ROR2: variants seen among roughly 807,000 people sequenced by gnomAD.
ROR2 encodes ROR family WNT receptor 2, also known as tyrosine-protein kinase transmembrane receptor ROR2.
A neutral mutation model predicts 74.9 loss-of-function variants in ROR2; 33 were observed. That is an observed-to-expected ratio of 0.44 (90% CI 0.33 to 0.59). The LOEUF is 0.59. ROR2 is among the 20% of genes least tolerant of loss of function. ROR2 has a pLI of 0.02. For synonymous variants in ROR2, 586 were observed against 558.7 expected, an observed-to-expected ratio of 1.05 and a Z score of -0.69; for missense variants, 1,216 against 1,313.8, an observed-to-expected ratio of 0.93 and a Z score of 1.15.
chr9:91,934,361 A>G (rs915815778), intron 1 of ROR2, among the ~76,000 whole-genome samples: 2 of 152,182 alleles, frequency 1.3e-5, no homozygotes, highest in Non-Finnish European at 2.9e-5. Flanking sequence ...TGCCTCCATA[A>G]AAGACAGAAA....
At chr9:91,923,595 T>C (rs1831326912) in intron 1 of ROR2, 1 of 152,220 alleles carries the variant, frequency 6.6e-6, no homozygotes, top group Non-Finnish European at 1.5e-5. Context: ...CTTTTTAAAA[T>C]TCACATCTAA....
chr9:91,919,381 A>G (rs961671275), intron 1 of ROR2, among the ~76,000 whole-genome samples: 1 of 152,170 alleles, frequency 6.6e-6, no homozygotes, highest in Admixed American at 6.5e-5. Flanking sequence ...TTCATTCAGG[A>G]TAAATTCACA....
intron 6 of ROR2, among the ~76,000 whole-genome samples, chr9:91,732,727 T>C (rs1012269077): frequency 2.6e-5 from 4 of 152,140 alleles, no homozygotes; most frequent in African/African-American, 9.7e-5. Context: ...GCGGCCCGAG[T>C]GCGTGCTGAC....
intron 1 of ROR2, among the ~76,000 whole-genome samples, chr9:91,778,620 G>A (rs1008380671): frequency 2.6e-5 from 4 of 152,156 alleles, no homozygotes; most frequent in African/African-American, 9.7e-5. Flanking sequence ...TGACTCTTCA[G>A]GACTTCAATA....
At chr9:91,758,491 G>A (rs1249665989) in intron 2 of ROR2, among the ~76,000 whole-genome samples, 1 of 152,230 alleles carries the variant, frequency 6.6e-6, no homozygotes, top group Non-Finnish European at 1.5e-5. Context: ...TCACAGTCCT[G>A]TAAATAGAAC....
chr9:91,745,098 G>C (rs1825364834), intron 4 of ROR2, among the ~76,000 whole-genome samples: 1 of 151,750 alleles, frequency 6.6e-6, no homozygotes, highest in South Asian at 2.1e-4. Flanking sequence ...GTCACCATAT[G>C]GTCTCATTTA....
chr9:91,871,817 G>A lies in ROR2; in HGVS notation c.97+78050C>T, dbSNP rs536471191. ...AGGCCAAGCCACCTGGAGAGGCCAC[G>A]TATGGGTTCTTGGGTCGAGAGACCC... On this transcript the variant is annotated intron_variant, in intron 1 of 8. Coordinates refer to ENST00000375708, the MANE Select transcript of ROR2 (RefSeq NM_004560.4). 5.3e-5 allele frequency among the ~76,000 whole-genome samples: 8 copies of A among 152,274 alleles called. No homozygotes were observed. In the South Asian group the frequency reaches 8.3e-4, roughly 16 times the overall value.
chr9:91,840,962 A>T (rs980009550), intron 1 of ROR2, among the ~76,000 whole-genome samples: 3 of 152,220 alleles, frequency 2.0e-5, no homozygotes, highest in Non-Finnish European at 4.4e-5. Flanking sequence ...TAATGGCATG[A>T]TTTGCAAGAC....
intron 1 of ROR2, among the ~76,000 whole-genome samples, chr9:91,848,757 G>T (rs948564977): frequency 4.7e-5 from 6 of 127,312 alleles, no homozygotes; most frequent in African/African-American, 1.9e-4. Context: ...TCCGTCTCAG[G>T]GGGGAAGAAA....
intron 1 of ROR2, among the ~76,000 whole-genome samples, chr9:91,829,569 A>AAAAAAAAAAAAAAAAC (rs1828397962): frequency 1.3e-5 from 2 of 151,000 alleles, no homozygotes; most frequent in Admixed American, 6.6e-5. Flanking sequence ...AAAAAAAAAA[A>AAAAAAAAAAAAAAAAC]AAAAGCACAC....
intron 1 of ROR2, among the ~76,000 whole-genome samples, chr9:91,851,260 G>A (rs557424919): frequency 1.3e-5 from 2 of 151,758 alleles, no homozygotes; most frequent in South Asian, 4.2e-4. Flanking sequence ...GCTGAGGCAG[G>A]AGAATCGCTT....
chr9:91,758,224 C>T (rs1456614250), intron 2 of ROR2, among the ~76,000 whole-genome samples: 1 of 152,100 alleles, frequency 6.6e-6, no homozygotes, highest in African/African-American at 2.4e-5. Flanking sequence ...ACAAAAGCAC[C>T]GTAAGTATTG....
At chr9:91,856,313 C>G (rs1829285292) in intron 1 of ROR2, among the ~76,000 whole-genome samples, 1 of 152,166 alleles carries the variant, frequency 6.6e-6, no homozygotes, top group Non-Finnish European at 1.5e-5. Context: ...TGTGGTTGCA[C>G]CACTGCACTC....
At chr9:91,912,832 C>A (rs191825203) in intron 1 of ROR2, among the ~76,000 whole-genome samples, 2,713 of 152,112 alleles carry the variant, frequency 0.018, 89 homozygotes, top group African/African-American at 0.062. Context: ...GGAATACTTA[C>A]AAAATAGGCC....
rs148868152 is a variant in ROR2 at position 91,862,480 on chromosome 9, A to C, written c.98-86662T>G. 3.2e-4 allele frequency among the ~76,000 whole-genome samples: 49 copies of C among 152,190 alleles called. No individual in the cohort carries two copies. The East Asian group carries it at 9.1e-3, about 28-fold the overall frequency. On this transcript the variant is annotated intron_variant, in intron 1 of 8. Transcript: ENST00000375708. ...CAGAAACAGCCTCGTCAACACACTG[A>C]GGCCCTGTCTCTACAGAAGACACAT...
At position 91,799,888 on chromosome 9, in the gene ROR2, C is replaced by T. The variant is rs2872122; in HGVS notation, c.98-24070G>A. Among the ~76,000 whole-genome samples, 1,449 of 152,350 alleles carry T rather than the reference C, an allele frequency of 9.5e-3. 6 individuals carry two copies. The highest frequency in any genetic ancestry group is 0.016 in the Non-Finnish European group (1,066 of 68,030). On this transcript the variant is annotated intron_variant, in intron 1 of 8. Coordinates refer to ENST00000375708, the MANE Select transcript of ROR2 (RefSeq NM_004560.4). Reference sequence around the variant, plus strand: ...GGAACCCCCACACAGTGGCACCCAGCTCTAGCCCCAGGTGTGCGTGGCCAG... The same window carrying T: ...GGAACCCCCACACAGTGGCACCCAGTTCTAGCCCCAGGTGTGCGTGGCCAG...
In ROR2 at chr9:91,949,927, G is replaced by C. The variant is rs1053014086; in HGVS notation, c.37C>G (p.Leu13Val). 20 of 1,521,632 alleles carry C rather than the reference G, an allele frequency of 1.3e-5. No individual in the cohort carries two copies. In the African/African-American group the frequency reaches 2.5e-4, roughly 19 times the overall value. The allele number at this position is 1,521,632 out of a possible 1,614,324, so 94.3% of individuals were successfully genotyped here. The change falls in exon 1 of 9, where the codon CTG (leucine) becomes GTG (valine). Residue 13 changes from leucine to valine, a missense_variant. Coordinates refer to ENST00000375708, the MANE Select transcript of ROR2 (RefSeq NM_004560.4). Reference sequence around the variant, plus strand: ...GCCGCCCAGACGGCCGGGATGCACAGCAGCGGCCGCCGCGGGAGCGCCGAG... The same window carrying C: ...GCCGCCCAGACGGCCGGGATGCACACCAGCGGCCGCCGCGGGAGCGCCGAG... ...RGSALPRRPL[L>V]CIPAVWAAAA...
intron 1 of ROR2, among the ~76,000 whole-genome samples, chr9:91,943,508 G>A (rs1220688711): frequency 6.6e-6 from 1 of 151,910 alleles, no homozygotes; most frequent in African/African-American, 2.4e-5. Flanking sequence ...CTTCCTCAGT[G>A]AGCACCCTGG....
intron 1 of ROR2, among the ~76,000 whole-genome samples, chr9:91,801,558 C>T (rs1045315539): frequency 6.6e-6 from 1 of 152,186 alleles, no homozygotes; most frequent in Non-Finnish European, 1.5e-5. Context: ...GTCTTGATCT[C>T]TTGACCTCGT....
Sources: gnomAD v4.1 joint callset for allele counts (sites outside exome capture counted in the v4.1 genomes callset) on GRCh38, gnomAD v4.1.1 for gene constraint, MANE v1.5 for transcripts, NCBI Gene and HGNC (gene_info 2026-07-23, HGNC 2026-07-21) for gene names.